The following RELL1 variants were observed in gnomAD, a reference collection of about 807,000 sequenced individuals.
The protein encoded by RELL1 is RELT like 1.
A neutral mutation model predicts 23.0 loss-of-function variants in RELL1; 10 were observed. The observed-to-expected ratio is 0.43, with a 90% CI of 0.27 to 0.74. The LOEUF is 0.74. Among genes scored for constraint, RELL1 ranks in the 30% least tolerant of loss-of-function variants. The probability of loss-of-function intolerance (pLI) is 0.19; values close to 1 mark genes in which losing one functional copy is unlikely to be tolerated. For missense variants in RELL1, 315 were observed against 364.4 expected (o/e 0.86, Z 1.10); for synonymous variants, 146 against 146.8 (o/e 0.99, Z 0.04).
chr4:37,659,907 T>G (rs1257195441), intron 1 of RELL1, among the ~76,000 whole-genome samples: 2 of 152,176 alleles, frequency 1.3e-5, no homozygotes, highest in Non-Finnish European at 2.9e-5. Flanking sequence ...ATGGCTCTGA[T>G]AGCAATTCTT....
intron 6 of RELL1, among the ~76,000 whole-genome samples, chr4:37,602,221 C>CAAAAAA (rs11410477): frequency 1.0e-5 from 1 of 96,694 alleles, no homozygotes. Flanking sequence ...TGTCTCAAAC[C>CAAAAAA]AAAAAAAAAA....
chr4:37,630,368 T>TTTG (rs1720085615), intron 6 of RELL1, among the ~76,000 whole-genome samples: 1 of 132,972 alleles, frequency 7.5e-6, no homozygotes. Flanking sequence ...TTTTTTTTTT[T>TTTG]TTTTTTTTTT....
chr4:37,643,358 G>A (rs1720590875), intron 3 of RELL1, among the ~76,000 whole-genome samples: 1 of 152,168 alleles, frequency 6.6e-6, no homozygotes, highest in Non-Finnish European at 1.5e-5. Context: ...CAACATTAAA[G>A]ACATAATGTG....
downstream of RELL1, chr4:37,590,301 G>A: frequency 6.2e-7 from 1 of 1,613,924 alleles, no homozygotes; most frequent in Non-Finnish European, 8.5e-7. Context: ...CTCACCAAGG[G>A]CCGCTCCCAC....
chr4:37,629,660 C>T (rs1720057543), intron 6 of RELL1, among the ~76,000 whole-genome samples: 1 of 152,142 alleles, frequency 6.6e-6, no homozygotes, highest in Non-Finnish European at 1.5e-5. Context: ...CCAGATCTCC[C>T]CACAGGCAAA....
chr4:37,651,250 G>A (rs534585328), intron 1 of RELL1, among the ~76,000 whole-genome samples: 3 of 152,256 alleles, frequency 2.0e-5, no homozygotes, highest in African/African-American at 7.2e-5. Context: ...GAGGCCAGGA[G>A]TTCAGGAAGA....
At chr4:37,668,872 C>A (rs1237856794) in intron 1 of RELL1, among the ~76,000 whole-genome samples, 1 of 150,704 alleles carries the variant, frequency 6.6e-6, no homozygotes, top group Non-Finnish European at 1.5e-5. Context: ...CCTGTCGCCT[C>A]GTCCGGGATG....
Position 37,638,497 on chromosome 4 carries a change from A to G in RELL1, c.393T>C (p.Ala131=), listed in dbSNP as rs563308785. The change falls in exon 4 of 7, where the codon GCT becomes GCC. Residue 131 remains alanine, a synonymous_variant. Transcript: ENST00000454158. ...VHYIMKNEAN[A]DVLKAMVADN... is the part of the protein sequence containing the mutation. Reference sequence around the variant, plus strand: ...CTGCTACCATCGCCTTTAAGACATCAGCATTCGCTAAGGAATAAAAATAAA... The same window carrying G: ...CTGCTACCATCGCCTTTAAGACATCGGCATTCGCTAAGGAATAAAAATAAA... 6.1e-5 allele frequency: 99 copies of G among 1,610,566 alleles called. 1 individual carries two copies. In the South Asian group the frequency reaches 1.1e-3, roughly 18 times the overall value.
chr4:37,602,984 T>A (rs1463985), intron 6 of RELL1, among the ~76,000 whole-genome samples: 1 of 152,372 alleles, frequency 6.6e-6, no homozygotes, highest in East Asian at 1.9e-4. Flanking sequence ...AAACTGGCAG[T>A]GCCAGAAAAT....
intron 6 of RELL1, among the ~76,000 whole-genome samples, chr4:37,599,226 C>T (rs897227862): frequency 6.6e-6 from 1 of 152,124 alleles, no homozygotes; most frequent in Admixed American, 6.5e-5. Flanking sequence ...CCCAACGTGC[C>T]GCAAGTCAAT....
intron 1 of RELL1, among the ~76,000 whole-genome samples, chr4:37,683,981 T>C (rs1722315435): frequency 6.6e-6 from 1 of 151,852 alleles, no homozygotes; most frequent in Non-Finnish European, 1.5e-5. Flanking sequence ...CTCTGGAGGC[T>C]GAGGCAGGAG....
intron 2 of RELL1, among the ~76,000 whole-genome samples, chr4:37,648,247 GA>G (rs1236241895): frequency 2.0e-5 from 3 of 152,366 alleles, no homozygotes; most frequent in African/African-American, 4.8e-5. Flanking sequence ...GGAAGGAGGA[GA>G]GGGGGAGGCT....
downstream of RELL1, chr4:37,590,023 G>C (rs143147477): frequency 2.0e-4 from 226 of 1,129,486 alleles, 1 homozygote; most frequent in East Asian, 5.3e-3. Flanking sequence ...GAAAGAAGCA[G>C]GGCCTGTGGT....
intron 1 of RELL1, among the ~76,000 whole-genome samples, chr4:37,669,117 G>A (rs370899430): frequency 0.2 from 22,209 of 112,866 alleles, 2,653 homozygotes; most frequent in South Asian, 0.28. Flanking sequence ...GCCTCTGCCC[G>A]GCCGCCCCTA....
At chr4:37,597,247 T>C (rs1718888231) in intron 6 of RELL1, among the ~76,000 whole-genome samples, 2 of 152,170 alleles carry the variant, frequency 1.3e-5, no homozygotes, top group Admixed American at 1.3e-4. Flanking sequence ...AATACAGAAC[T>C]AAGGGAAAAT....
chr4:37,589,028 A>G (rs889334675), downstream of RELL1: 3 of 667,496 alleles, frequency 4.5e-6, no homozygotes, highest in South Asian at 2.1e-5. Flanking sequence ...CAACACATTA[A>G]GAGTTTGGAA....
Position 37,621,786 on chromosome 4 carries a change from G to A in RELL1, c.*4-8444C>T, listed in dbSNP as rs536717287. On this transcript the variant is annotated intron_variant, in intron 6 of 6. Transcript: ENST00000454158. ...GGCAGGCCCCTGCCCAGGGAGATATGTGTTAGGAGGAGATGGCTTGCTTTG... is the reference window on the plus strand; with the variant it reads ...GGCAGGCCCCTGCCCAGGGAGATATATGTTAGGAGGAGATGGCTTGCTTTG... Among the ~76,000 whole-genome samples the A allele has an allele frequency of 5.9e-5, 9 of 152,326 alleles. No homozygotes were observed. The East Asian group carries it at 1.5e-3, about 26-fold the overall frequency.
At chr4:37,630,275 A>G (rs925804603) in intron 6 of RELL1, among the ~76,000 whole-genome samples, 11 of 151,904 alleles carry the variant, frequency 7.2e-5, no homozygotes, top group Non-Finnish European at 7.4e-5. Context: ...ATACCACTCA[A>G]GCCGGAACAG....
chr4:37,599,888 G>T (rs184251289), intron 6 of RELL1, among the ~76,000 whole-genome samples: 1 of 152,286 alleles, frequency 6.6e-6, no homozygotes, highest in Non-Finnish European at 1.5e-5. Context: ...TGGAGGTGAT[G>T]GCTAGGCCCC....
Sources: gnomAD v4.1 joint callset for allele counts (sites outside exome capture counted in the v4.1 genomes callset) on GRCh38, gnomAD v4.1.1 for gene constraint, MANE v1.5 for transcripts, NCBI Gene and HGNC (gene_info 2026-07-23, HGNC 2026-07-21) for gene names.